The following CPNE4 variants were observed in gnomAD, a reference collection of about 807,000 sequenced individuals.
The protein encoded by CPNE4 is copine 4, also known as copine-4.
Under a neutral mutation model 67.9 loss-of-function variants are expected in CPNE4, and 25 were observed. The observed-to-expected ratio is 0.37, with a 90% CI of 0.27 to 0.51. CPNE4 has a LOEUF of 0.51. Ranked by LOEUF, CPNE4 falls within the 20% of genes least tolerant of loss-of-function variation. The pLI is 0.93. For missense variants in CPNE4, 464 were observed against 690.8 expected, an observed-to-expected ratio of 0.67 and a Z score of 3.68; for synonymous variants, 242 against 244.9, an observed-to-expected ratio of 0.99 and a Z score of 0.11.
chr3:131,567,231 G>T (rs1380174999), intron 10 of CPNE4, among the ~76,000 whole-genome samples: 1 of 151,898 alleles, frequency 6.6e-6, no homozygotes, highest in East Asian at 1.9e-4. Context: ...AATCCATAAA[G>T]AAAAATGGCT....
At chr3:131,971,096 A>G (rs749915070) in intron 1 of CPNE4, among the ~76,000 whole-genome samples, 7 of 152,228 alleles carry the variant, frequency 4.6e-5, no homozygotes, top group Non-Finnish European at 1.0e-4. Flanking sequence ...TAAAGAGTCC[A>G]AGATGGTTAC....
intron 2 of CPNE4, among the ~76,000 whole-genome samples, chr3:131,813,385 A>G (rs1278013020): frequency 2.0e-5 from 3 of 150,552 alleles, no homozygotes; most frequent in Non-Finnish European, 4.4e-5. Context: ...TTTTAAATAT[A>G]TATATAGTAT....
At chr3:131,750,107 C>T (rs916353784) in intron 2 of CPNE4, among the ~76,000 whole-genome samples, 1 of 152,148 alleles carries the variant, frequency 6.6e-6, no homozygotes, top group Non-Finnish European at 1.5e-5. Flanking sequence ...AATTCTAATT[C>T]TCTCCCAAAA....
intron 15 of CPNE4, chr3:131,537,816 G>GAATC (rs1420312948): frequency 6.4e-6 from 1 of 155,774 alleles, no homozygotes; most frequent in Non-Finnish European, 1.4e-5. Flanking sequence ...TGACACTATT[G>GAATC]AATCACTGAC....
At chr3:131,871,064 G>A (rs2087179285) in intron 2 of CPNE4, among the ~76,000 whole-genome samples, 1 of 152,102 alleles carries the variant, frequency 6.6e-6, no homozygotes, top group Non-Finnish European at 1.5e-5. Context: ...CAAGAGTTCA[G>A]AGTAGGGGGA....
intron 2 of CPNE4, among the ~76,000 whole-genome samples, chr3:131,852,590 C>T (rs867407739): frequency 3.3e-5 from 5 of 151,946 alleles, no homozygotes; most frequent in Admixed American, 6.6e-5. Flanking sequence ...AACATCTGTT[C>T]TGAAGATCAG....
intron 15 of CPNE4, among the ~76,000 whole-genome samples, chr3:131,539,596 C>A (rs547340804): frequency 6.6e-6 from 1 of 152,116 alleles, no homozygotes; most frequent in Non-Finnish European, 1.5e-5. Flanking sequence ...ACAGAACAAG[C>A]ATTCTGTAAG....
At chr3:131,758,274 T>G (rs1437131534) in intron 2 of CPNE4, among the ~76,000 whole-genome samples, 1 of 152,172 alleles carries the variant, frequency 6.6e-6, no homozygotes, top group Non-Finnish European at 1.5e-5. Flanking sequence ...GGAAGAGCTG[T>G]CCAAGACCAT....
intron 2 of CPNE4, among the ~76,000 whole-genome samples, chr3:131,813,326 A>G (rs1009096060): frequency 1.5e-4 from 23 of 151,386 alleles, no homozygotes; most frequent in African/African-American, 5.3e-4. Flanking sequence ...AAATGAGAGT[A>G]GTTGTAATAG....
At chr3:131,593,696 A>T (rs1938671470) in intron 7 of CPNE4, among the ~76,000 whole-genome samples, 1 of 151,852 alleles carries the variant, frequency 6.6e-6, no homozygotes, top group African/African-American at 2.4e-5. Context: ...AATTTCCAGG[A>T]CTATGGTTTG....
intron 2 of CPNE4, among the ~76,000 whole-genome samples, chr3:131,729,147 G>T (rs1373589554): frequency 6.6e-6 from 1 of 152,092 alleles, no homozygotes; most frequent in African/African-American, 2.4e-5. Flanking sequence ...GAGAAATTCA[G>T]GCCCTTATCA....
intron 7 of CPNE4, among the ~76,000 whole-genome samples, chr3:131,599,648 A>T (rs893593461): frequency 1.3e-5 from 2 of 152,200 alleles, no homozygotes; most frequent in African/African-American, 4.8e-5. Flanking sequence ...AGTCATGTTC[A>T]TCCCTTGTCT....
intron 1 of CPNE4, among the ~76,000 whole-genome samples, chr3:131,907,055 C>T (rs1040554924): frequency 6.6e-6 from 1 of 152,026 alleles, no homozygotes; most frequent in African/African-American, 2.4e-5. Context: ...AGGACCTGAA[C>T]AGACACTTCT....
chr3:131,986,851 A>C (rs2073058926), intron 1 of CPNE4, among the ~76,000 whole-genome samples: 1 of 113,724 alleles, frequency 8.8e-6, no homozygotes, highest in Non-Finnish European at 1.8e-5. Context: ...AACAAAAAAA[A>C]ACAAAAACAA....
rs77658825 is a variant in CPNE4 at position 131,966,882 on chromosome 3, C to A, written c.-1-61438G>T. ...CACCTCCCTAACTCATTTTATGAGG[C>A]CAGCATCATCCTGATACCAAAATCT... On this transcript the variant is annotated intron_variant, in intron 1 of 15. Coordinates refer to ENST00000429747, the MANE Select transcript of CPNE4 (RefSeq NM_130808.3). 8.9e-3 allele frequency among the ~76,000 whole-genome samples: 1,356 copies of A among 152,260 alleles called. 6 individuals carry two copies. Among genetic ancestry groups the A allele is most frequent in the Non-Finnish European group, 0.013 (901 of 68,022 alleles).
chr3:131,680,282 A>C (rs2080711017), intron 6 of CPNE4, among the ~76,000 whole-genome samples: 1 of 148,716 alleles, frequency 6.7e-6, no homozygotes, highest in Non-Finnish European at 1.5e-5. Flanking sequence ...TTGCTTGGTA[A>C]ATTTTCCTCC....
intron 2 of CPNE4, among the ~76,000 whole-genome samples, chr3:131,793,256 C>A (rs1583208811): frequency 6.6e-6 from 1 of 151,830 alleles, no homozygotes; most frequent in Non-Finnish European, 1.5e-5. Flanking sequence ...TCTTGCCACC[C>A]TTTCCTCTTT....
At chr3:131,691,096 A>G (rs2081023860) in intron 5 of CPNE4, among the ~76,000 whole-genome samples, 1 of 152,132 alleles carries the variant, frequency 6.6e-6, no homozygotes. Context: ...ACACTTATAT[A>G]CTGTTTGTGG....
intron 11 of CPNE4, among the ~76,000 whole-genome samples, chr3:131,558,642 T>C (rs1271055616): frequency 6.6e-6 from 1 of 152,040 alleles, no homozygotes; most frequent in African/African-American, 2.4e-5. Flanking sequence ...TTATTTTTAA[T>C]CACCATTTTC....
Sources: allele counts gnomAD v4.1 joint callset (sites outside exome capture counted in the v4.1 genomes callset), GRCh38; gene constraint gnomAD v4.1.1; transcripts MANE v1.5; gene names NCBI Gene and HGNC (gene_info 2026-07-23, HGNC 2026-07-21).